The following MED20 variants were observed in gnomAD, a reference collection of about 807,000 sequenced individuals.
MED20 encodes mediator complex subunit 20.
MED20 carries 19 observed loss-of-function variants against 19.7 expected under a neutral mutation model. The observed-to-expected ratio is 0.96, with a 90% CI of 0.67 to 1.42. The LOEUF is 1.42. MED20 is among the 40% of genes most tolerant of loss of function. MED20 has a pLI of 0.00. For synonymous variants in MED20, 105 were observed against 104.8 expected (o/e 1.00, Z -0.01); for missense variants, 225 against 273.0 (o/e 0.82, Z 1.24).
intron 1 of MED20, chr6:41,920,742 G>A (rs1191827088): frequency 4.9e-6 from 2 of 407,064 alleles, no homozygotes; most frequent in Non-Finnish European, 8.8e-6. Flanking sequence ...CTGCACTCCA[G>A]TCTGGCGACA....
Position 41,909,478 on chromosome 6 carries a change from G to C in MED20, c.214C>G (p.Pro72Ala). 1 of 1,614,226 alleles carries C rather than the reference G, an allele frequency of 6.2e-7. No individual in the cohort carries two copies. The highest frequency in any genetic ancestry group is 8.5e-7 in the Non-Finnish European group (1 of 1,180,050). ...TCAAAGAGGGCGAAACAGCTCAATG[G>C]GTACTCTGAGTTGTGCATCACATAC... ...LMYVMHNSEY[P>A]LSCFALFENG... Residue 72 changes from proline (P) to alanine (A), a missense_variant, in exon 3 of 4, where the codon CCA becomes GCA. Coordinates refer to ENST00000265350, the MANE Select transcript of MED20 (RefSeq NM_004275.5).
Position 41,916,908 on chromosome 6 carries a change from T to A in MED20, c.46A>T (p.Ser16Cys). The change falls in exon 2 of 4, where the codon AGT (serine) becomes TGT (cysteine). Residue 16 changes from serine (S) to cysteine (C), a missense_variant. Physicochemically the swap from Ser to Cys is moderately radical, Grantham distance 112 (BLOSUM62 -1). Transcript: ENST00000265350. ...AGGAGCTCTACGGTTTGCTGAACAC[T>A]CTTGCCCTCGGCCACAGGCATCTGG... The part of the protein sequence containing the change: ...VSQMPVAEGK[S>C]VQQTVELLTR... 2 of 1,613,930 alleles carry A rather than the reference T, an allele frequency of 1.2e-6. No individual in the cohort carries two copies. Among genetic ancestry groups the A allele is most frequent in the Non-Finnish European group, 1.7e-6 (2 of 1,179,946 alleles).
intron 1 of MED20, 197 bp downstream of exon 1, chr6:41,920,808 T>C: frequency 1.8e-6 from 1 of 558,866 alleles, no homozygotes; most frequent in Non-Finnish European, 3.0e-6. Flanking sequence ...ACCTTTGCTT[T>C]CCCGCCTTCC....
intron 3 of MED20, 92 bp downstream of exon 3, chr6:41,909,173 CAAAA>C: frequency 1.5e-6 from 2 of 1,313,494 alleles, no homozygotes; most frequent in Non-Finnish European, 2.1e-6. Flanking sequence ...GACTCTGTCT[CAAAA>C]AAAAAAAAAG....
In MED20 at chr6:41,905,947, C is replaced by T. The variant is rs1348918670; in HGVS notation, c.*1125G>A. 6.6e-6 allele frequency: 1 copy of T among 152,216 alleles called. No homozygotes were observed. Among genetic ancestry groups the T allele is most frequent in the African/African-American group, 2.4e-5 (1 of 41,450 alleles). The allele number at this position is 152,216 out of a possible 1,614,324, so 9.4% of individuals were successfully genotyped here. On this transcript the variant is annotated 3_prime_UTR_variant, in exon 4 of 4. Coordinates refer to ENST00000265350, the MANE Select transcript of MED20 (RefSeq NM_004275.5). ...CAAAGCGGCTCTGAGATCAGCCCTT[C>T]TCTCAAGTCAACTCATAAACAAATG...
At chr6:41,912,053 CTTTTT>C (rs530288020) in intron 2 of MED20, among the ~76,000 whole-genome samples, 1 of 143,878 alleles carries the variant, frequency 7.0e-6, no homozygotes, top group East Asian at 2.0e-4. Context: ...TCCTTTTCTT[CTTTTT>C]TTTTTTTTGA....
At chr6:41,915,789 A>AACACACACACGCACACAC (rs1554151614) in intron 2 of MED20, among the ~76,000 whole-genome samples, 1 of 148,592 alleles carries the variant, frequency 6.7e-6, no homozygotes, top group African/African-American at 2.5e-5. Flanking sequence ...TCCGTCTCAA[A>AACACACACACGCACACAC]ACACACACAC....
chr6:41,912,902 G>GT (rs1775231440), intron 2 of MED20: 1 of 152,090 alleles, frequency 6.6e-6, no homozygotes, highest in Admixed American at 6.6e-5. Flanking sequence ...GAGCCCAGGA[G>GT]TTTGAGACCA....
At chr6:41,920,972 A>C in intron 1 of MED20, 33 bp downstream of exon 1, 1 of 1,604,324 alleles carries the variant, frequency 6.2e-7, no homozygotes, top group South Asian at 1.1e-5. Flanking sequence ...CACAACTCCA[A>C]GCCCCGCCCC....
chr6:41,908,894 G>C (rs1219010518), intron 3 of MED20: 1 of 282,954 alleles, frequency 3.5e-6, no homozygotes, highest in Non-Finnish European at 6.6e-6. Context: ...TTAAATTGAG[G>C]ACTGGAGGCC....
chr6:41,911,394 G>C (rs962383253), intron 2 of MED20, among the ~76,000 whole-genome samples: 6 of 151,898 alleles, frequency 4.0e-5, no homozygotes, highest in Non-Finnish European at 7.4e-5. Context: ...CAGGTGATCT[G>C]CCCGCCTCAG....
At chr6:41,919,708 T>C (rs1170645683) in intron 1 of MED20, among the ~76,000 whole-genome samples, 1 of 152,090 alleles carries the variant, frequency 6.6e-6, no homozygotes, top group African/African-American at 2.4e-5. Context: ...AGCAGGAGGC[T>C]CGCTTGAGTT....
intron 1 of MED20, 170 bp downstream of exon 1, chr6:41,920,835 T>A: frequency 4.3e-6 from 3 of 697,660 alleles, no homozygotes; most frequent in Non-Finnish European, 6.7e-6. Flanking sequence ...AAGGGGCGCA[T>A]CTCTGAGGAA....
Position 41,909,540 on chromosome 6 carries a change from C to T in MED20, c.170-18G>A. 6.2e-7 allele frequency: 1 copy of T among 1,609,728 alleles called. No individual in the cohort carries two copies. ...GGTCTGACCTGCAAGGGACAGAGATCCTATTCATCATCAAGACTTTCACTG... is the reference window on the plus strand; with the variant it reads ...GGTCTGACCTGCAAGGGACAGAGATTCTATTCATCATCAAGACTTTCACTG... On this transcript the variant is annotated intron_variant, in intron 2 of 3. Coordinates refer to ENST00000265350, the MANE Select transcript of MED20 (RefSeq NM_004275.5).
chr6:41,909,614 C>T (rs1460928035), intron 2 of MED20, 92 bp from the exon 3 acceptor site: 9 of 1,537,628 alleles, frequency 5.9e-6, no homozygotes, highest in Non-Finnish European at 7.1e-6. Context: ...TGAGGCCAGA[C>T]AGCAATCTGG....
intron 2 of MED20, among the ~76,000 whole-genome samples, chr6:41,912,253 C>A (rs950098128): frequency 2.9e-5 from 4 of 136,260 alleles, no homozygotes; most frequent in African/African-American, 1.1e-4. Flanking sequence ...CTTGCCTAGG[C>A]TGGTCTCAAA....
intron 2 of MED20, 53 bp from the exon 3 acceptor site, chr6:41,909,575 A>C (rs1464200676): frequency 1.3e-6 from 2 of 1,592,146 alleles, no homozygotes; most frequent in South Asian, 2.3e-5. Flanking sequence ...GGCAAACCCC[A>C]GAGTAGAGTC....
At chr6:41,919,002 G>A (rs1279698843) in intron 1 of MED20, among the ~76,000 whole-genome samples, 2 of 149,140 alleles carry the variant, frequency 1.3e-5, no homozygotes, top group African/African-American at 5.0e-5. Flanking sequence ...GGTGGTGGGC[G>A]CCTGTAGTCC....
At chr6:41,911,739 G>A (rs912017114) in intron 2 of MED20, among the ~76,000 whole-genome samples, 5 of 152,090 alleles carry the variant, frequency 3.3e-5, no homozygotes, top group Admixed American at 3.3e-4. Flanking sequence ...GCTGCTGTGC[G>A]TGAACACAGC....
Sources: gnomAD v4.1 joint callset for allele counts (sites outside exome capture counted in the v4.1 genomes callset) on GRCh38, gnomAD v4.1.1 for gene constraint, MANE v1.5 for transcripts, NCBI Gene and HGNC (gene_info 2026-07-23, HGNC 2026-07-21) for gene names.